UNC80: variants seen among roughly 807,000 people sequenced by gnomAD.
UNC80 encodes the protein unc-80 subunit of NALCN channel complex.
UNC80 carries 164 observed loss-of-function variants against 384.6 expected under a neutral mutation model. The ratio of observed to expected loss-of-function variants is 0.43; its 90% CI spans 0.38 to 0.49. The LOEUF (loss-of-function observed/expected upper bound fraction) is 0.49. Ranked by LOEUF, UNC80 falls within the 20% of genes least tolerant of loss-of-function variation. The pLI is 0.00. For missense variants in UNC80, 3,330 were observed against 4,143.0 expected, an observed-to-expected ratio of 0.80 and a Z score of 5.39; for synonymous variants, 1,486 against 1,527.8, an observed-to-expected ratio of 0.97 and a Z score of 0.64.
At chr2:209,972,962 A>G (rs2092921465) in intron 55 of UNC80, 102 bp from the exon 56 acceptor site, 19 of 1,005,042 alleles carry the variant, frequency 1.9e-5, no homozygotes, top group Non-Finnish European at 2.8e-5. Flanking sequence ...AGGGTGTTGT[A>G]GTTTGGACTT....
intron 22 of UNC80, among the ~76,000 whole-genome samples, chr2:209,868,394 G>A (rs1303124684): frequency 6.6e-6 from 1 of 152,146 alleles, no homozygotes; most frequent in Non-Finnish European, 1.5e-5. Context: ...TTCAGGATCA[G>A]TCAAGATTTC....
At chr2:209,826,590 T>A (rs557074050) in intron 14 of UNC80, among the ~76,000 whole-genome samples, 8 of 152,142 alleles carry the variant, frequency 5.3e-5, no homozygotes, top group Non-Finnish European at 1.0e-4. Context: ...TCTGAATATT[T>A]GAGATCATGT....
rs1448457526 is a variant in UNC80 at position 209,819,186 on chromosome 2, C to T, written c.1887C>T (p.Tyr629=). The T allele has an allele frequency of 1.3e-6, 2 of 1,551,986 alleles. No homozygotes were observed. Among genetic ancestry groups the T allele is most frequent in the African/African-American group, 1.4e-5 (1 of 73,034 alleles). ...PRSLTDSCIN[Y]SYLEDTEHID... Reference sequence around the variant, plus strand: ...GCCTCACAGACTCCTGCATAAACTACAGCTACCTAGAGGACACAGAACATA... The same window carrying T: ...GCCTCACAGACTCCTGCATAAACTATAGCTACCTAGAGGACACAGAACATA... The change falls in exon 12 of 65, where the codon TAC becomes TAT. Residue 629 remains tyrosine (Y), a synonymous_variant. Coordinates refer to ENST00000673920, the MANE Select transcript of UNC80 (RefSeq NM_001371986.1).
In UNC80 at chr2:209,939,508, T is replaced by C. The variant is rs2091479202; in HGVS notation, c.6502T>C (p.Leu2168=). The C allele has an allele frequency of 6.4e-7, 1 of 1,551,244 alleles. No homozygotes were observed. The highest frequency in any genetic ancestry group is 1.4e-5 in the African/African-American group (1 of 73,014). Residue 2168 remains leucine (L), a synonymous_variant, in exon 43 of 65, where the codon TTG becomes CTG. Coordinates refer to ENST00000673920, the MANE Select transcript of UNC80 (RefSeq NM_001371986.1). The part of the protein sequence containing the change: ...TRKLEEVGRV[L]FLISLTQKIP... ...AAAGCTGGAAGAAGTAGGGCGGGTGTTGTTTCTCATCTCCCTAACCCAGAA... is the reference window on the plus strand; with the variant it reads ...AAAGCTGGAAGAAGTAGGGCGGGTGCTGTTTCTCATCTCCCTAACCCAGAA...
At chr2:209,974,670 A>G (rs1395602298) in intron 56 of UNC80, among the ~76,000 whole-genome samples, 2 of 152,244 alleles carry the variant, frequency 1.3e-5, no homozygotes, top group East Asian at 3.9e-4. Flanking sequence ...CTAAGAAGTT[A>G]GTGTTATTCT....
chr2:209,931,876 C>T (rs2090905348), intron 38 of UNC80, among the ~76,000 whole-genome samples: 2 of 152,186 alleles, frequency 1.3e-5, no homozygotes, highest in Admixed American at 6.5e-5. Flanking sequence ...GGTACCAAAA[C>T]ATAAACAGTA....
At chr2:209,875,587 A>C (rs1236860494) in intron 23 of UNC80, among the ~76,000 whole-genome samples, 1 of 152,178 alleles carries the variant, frequency 6.6e-6, no homozygotes, top group Non-Finnish European at 1.5e-5. Flanking sequence ...ATGTGAAATG[A>C]AGTTCAACTT....
chr2:209,877,531 G>T (rs946847084), intron 23 of UNC80, among the ~76,000 whole-genome samples: 2 of 152,138 alleles, frequency 1.3e-5, no homozygotes, highest in African/African-American at 4.8e-5. Flanking sequence ...TCATTAGCAT[G>T]ACAGTGACAT....
intron 23 of UNC80, 145 bp downstream of exon 23, chr2:209,873,115 A>G (rs1427917389): frequency 7.0e-6 from 5 of 713,378 alleles, no homozygotes; most frequent in Non-Finnish European, 1.1e-5. Flanking sequence ...GGAAAAAATA[A>G]GCAACTCATT....
At chr2:209,785,542 TAAG>T (rs1191474128) in intron 4 of UNC80, among the ~76,000 whole-genome samples, 1 of 152,116 alleles carries the variant, frequency 6.6e-6, no homozygotes, top group Non-Finnish European at 1.5e-5. Flanking sequence ...TAAAGGTTGT[TAAG>T]AAGACAACAT....
At chr2:209,791,990 G>C (rs1329813304) in intron 6 of UNC80, among the ~76,000 whole-genome samples, 1 of 152,086 alleles carries the variant, frequency 6.6e-6, no homozygotes, top group Non-Finnish European at 1.5e-5. Flanking sequence ...ATGTACATCA[G>C]ATTTTGAAAA....
At chr2:209,866,751 C>G (rs2083864965) in intron 22 of UNC80, among the ~76,000 whole-genome samples, 1 of 152,116 alleles carries the variant, frequency 6.6e-6, no homozygotes, top group African/African-American at 2.4e-5. Context: ...AATCAACTTT[C>G]ATCATCTAAT....
intron 53 of UNC80, chr2:209,970,103 G>A (rs754387521): frequency 2.4e-5 from 14 of 573,776 alleles, no homozygotes; most frequent in Middle Eastern, 4.5e-4. Context: ...GGATTTTGGT[G>A]TGCTGCTTCC....
At chr2:209,984,358 A>C (rs1217412433) in intron 60 of UNC80, among the ~76,000 whole-genome samples, 1 of 152,120 alleles carries the variant, frequency 6.6e-6, no homozygotes, top group East Asian at 1.9e-4. Context: ...TACTTTTCTT[A>C]ATGGCATCAG....
At chr2:209,971,925 A>G (rs1489348484) in intron 54 of UNC80, among the ~76,000 whole-genome samples, 1 of 152,250 alleles carries the variant, frequency 6.6e-6, no homozygotes, top group Non-Finnish European at 1.5e-5. Context: ...TAATGGGGAC[A>G]TGAAGTTGTT....
chr2:209,937,407 C>A, intron 41 of UNC80, 122 bp from the exon 42 acceptor site: 2 of 715,360 alleles, frequency 2.8e-6, no homozygotes, highest in South Asian at 1.8e-5. Context: ...TAGTACATTG[C>A]CTTTAGCTGC....
chr2:209,801,297 T>C (rs986459857), intron 7 of UNC80, among the ~76,000 whole-genome samples: 2 of 152,066 alleles, frequency 1.3e-5, no homozygotes, highest in African/African-American at 2.4e-5. Context: ...CCTTCACCAT[T>C]ATGTAATGCC....
At chr2:209,773,909 A>C (rs1393636060) in intron 2 of UNC80, among the ~76,000 whole-genome samples, 1 of 152,250 alleles carries the variant, frequency 6.6e-6, no homozygotes, top group African/African-American at 2.4e-5. Context: ...ATTCTAAGGG[A>C]ATCTTATATC....
In UNC80 at chr2:209,945,882, A is replaced by G; in HGVS notation, c.7225A>G (p.Ile2409Val). The G allele has an allele frequency of 2.6e-6, 4 of 1,552,038 alleles. No homozygotes were observed. Among genetic ancestry groups the G allele is most frequent in the South Asian group, 1.2e-5 (1 of 84,044 alleles). ...CYGNEDLTFS[I>V]SEAIKLCVTV... ...TGGAAACGAAGATCTGACATTTTCT[A>G]TCAGTGAAGCCATTAAGCTCTGTGT... The change falls in exon 47 of 65, where the codon ATC (isoleucine) becomes GTC (valine). Residue 2409 changes from isoleucine to valine, a missense_variant. Physicochemically the swap from Ile to Val is conservative, Grantham distance 29. Coordinates refer to ENST00000673920, the MANE Select transcript of UNC80 (RefSeq NM_001371986.1).
Sources: gnomAD v4.1 joint callset for allele counts (sites outside exome capture counted in the v4.1 genomes callset) on GRCh38, gnomAD v4.1.1 for gene constraint, MANE v1.5 for transcripts, NCBI Gene and HGNC (gene_info 2026-07-23, HGNC 2026-07-21) for gene names.